The following NXPH2 variants were observed in gnomAD, a reference collection of about 807,000 sequenced individuals.
NXPH2 encodes neurexophilin-2.
In NXPH2, 5 loss-of-function variants were observed where a neutral mutation model predicts 19.8. The observed-to-expected ratio is 0.25, with a 90% CI of 0.13 to 0.53. The LOEUF (loss-of-function observed/expected upper bound fraction) is 0.53, where lower values mean the gene tolerates loss of function less well. Among genes scored for constraint, NXPH2 ranks in the 20% least tolerant of loss-of-function variants. The pLI, the probability that NXPH2 is intolerant of heterozygous loss-of-function variation, is 0.96. For synonymous variants in NXPH2, 154 were observed against 127.4 expected, an observed-to-expected ratio of 1.21 and a Z score of -1.41; for missense variants, 289 against 322.8, an observed-to-expected ratio of 0.90 and a Z score of 0.80.
At chr2:138,672,982 T>C (rs1198455553) in intron 1 of NXPH2, among the ~76,000 whole-genome samples, 1 of 152,230 alleles carries the variant, frequency 6.6e-6, no homozygotes. Context: ...TGTTTCCACC[T>C]ATGTCTAGTC....
intron 1 of NXPH2, among the ~76,000 whole-genome samples, chr2:138,728,739 T>C (rs1681399601): frequency 6.6e-6 from 1 of 152,212 alleles, no homozygotes; most frequent in South Asian, 2.1e-4. Context: ...AAGTTTGACA[T>C]TATGTAGACA....
chr2:138,677,434 G>T (rs528697194), intron 1 of NXPH2, among the ~76,000 whole-genome samples: 1 of 152,156 alleles, frequency 6.6e-6, no homozygotes, highest in Non-Finnish European at 1.5e-5. Flanking sequence ...TAGATACAAT[G>T]ATATCATATT....
intron 1 of NXPH2, among the ~76,000 whole-genome samples, chr2:138,749,556 C>T (rs979699326): frequency 7.2e-5 from 11 of 152,064 alleles, no homozygotes; most frequent in Middle Eastern, 6.8e-3. Context: ...ATTTAATACA[C>T]GTTCAAGAAT....
intron 1 of NXPH2, among the ~76,000 whole-genome samples, chr2:138,697,626 G>C (rs534047329): frequency 1.3e-5 from 2 of 151,844 alleles, no homozygotes; most frequent in South Asian, 4.2e-4. Flanking sequence ...GTTGTCTCAG[G>C]ATAATACATT....
At chr2:138,727,830 T>G (rs975708396) in intron 1 of NXPH2, among the ~76,000 whole-genome samples, 1 of 152,206 alleles carries the variant, frequency 6.6e-6, no homozygotes, top group African/African-American at 2.4e-5. Context: ...CCCACTTTAT[T>G]AACTCTTATT....
chr2:138,687,420 G>A (rs1281439837), intron 1 of NXPH2, among the ~76,000 whole-genome samples: 3 of 151,626 alleles, frequency 2.0e-5, no homozygotes, highest in Admixed American at 6.6e-5. Context: ...TTGTAAATTT[G>A]TTTGAGTTCT....
intron 1 of NXPH2, among the ~76,000 whole-genome samples, chr2:138,720,905 T>C (rs923174576): frequency 6.6e-6 from 1 of 152,146 alleles, no homozygotes; most frequent in Non-Finnish European, 1.5e-5. Flanking sequence ...TAGATATTAA[T>C]GATAATCCAA....
chr2:138,679,395 C>A (rs924847950), intron 1 of NXPH2, among the ~76,000 whole-genome samples: 2 of 148,262 alleles, frequency 1.3e-5, no homozygotes, highest in Admixed American at 7.0e-5. Context: ...GTAGGAGAGG[C>A]CTGAATTTTT....
chr2:138,712,009 T>C (rs1218874771), intron 1 of NXPH2, among the ~76,000 whole-genome samples: 1 of 152,176 alleles, frequency 6.6e-6, no homozygotes, highest in African/African-American at 2.4e-5. Context: ...AGTGGTTTCA[T>C]AGCACCTTGG....
At chr2:138,677,763 A>T (rs1307002912) in intron 1 of NXPH2, among the ~76,000 whole-genome samples, 1 of 152,222 alleles carries the variant, frequency 6.6e-6, no homozygotes. Context: ...CTCTGCAAAC[A>T]TTATATCAGA....
At position 138,772,509 on chromosome 2, in the gene NXPH2, C is replaced by A. The variant is rs139670946; in HGVS notation, c.51+7682G>T. 7.4e-3 allele frequency among the ~76,000 whole-genome samples: 1,133 copies of A among 152,264 alleles called. 12 individuals carry two copies. The highest frequency in any genetic ancestry group is 0.025 in the African/African-American group (1,034 of 41,544). On this transcript the variant is annotated intron_variant, in intron 1 of 1. Coordinates refer to ENST00000272641, the MANE Select transcript of NXPH2 (RefSeq NM_007226.3). ...ACGGGGTTTCTCCATGTTGGTCAAG[C>A]TGGTCTCGAACTCCCGACCTCAGGT...
chr2:138,745,957 G>C (rs1202895508), intron 1 of NXPH2, among the ~76,000 whole-genome samples: 34 of 152,208 alleles, frequency 2.2e-4, no homozygotes, highest in Admixed American at 2.2e-3. Context: ...TGGTGGCCTA[G>C]TCCACCAAGA....
chr2:138,731,738 C>G (rs1681455939), intron 1 of NXPH2, among the ~76,000 whole-genome samples: 2 of 151,920 alleles, frequency 1.3e-5, no homozygotes, highest in Admixed American at 1.3e-4. Flanking sequence ...ACCAAGGACC[C>G]AAGATCAGCA....
intron 1 of NXPH2, among the ~76,000 whole-genome samples, chr2:138,701,974 C>T (rs4374315): frequency 0.25 from 38,747 of 152,050 alleles, 6,131 homozygotes; most frequent in Non-Finnish European, 0.36. Flanking sequence ...TCGGTTACTC[C>T]GGTTTAAGGC....
intron 1 of NXPH2, among the ~76,000 whole-genome samples, chr2:138,710,759 A>G (rs932502394): frequency 3.3e-5 from 5 of 151,758 alleles, no homozygotes; most frequent in Non-Finnish European, 5.9e-5. Context: ...GGACCTCATT[A>G]CTCTCCTAAC....
In NXPH2 at chr2:138,726,011, C is replaced by T. The variant is rs541417984; in HGVS notation, c.51+54180G>A. On this transcript the variant is annotated intron_variant, in intron 1 of 1. Coordinates refer to ENST00000272641, the MANE Select transcript of NXPH2 (RefSeq NM_007226.3). The stretch of plus-strand genomic sequence containing the variant: ...TTCTCTTCAGCATTCATAACACCTC[C>T]CAAAGCGTGGCCAACTTAGAAGCTT... Among the ~76,000 whole-genome samples the T allele has an allele frequency of 5.9e-5, 9 of 152,208 alleles. No individual in the cohort carries two copies. The East Asian group carries it at 1.4e-3, about 23-fold the overall frequency.
chr2:138,740,287 TTAAC>T (rs1681622220), intron 1 of NXPH2, among the ~76,000 whole-genome samples: 2 of 152,122 alleles, frequency 1.3e-5, no homozygotes, highest in South Asian at 4.1e-4. Flanking sequence ...AAAAAAAGAG[TTAAC>T]AACATGAAGT....
At chr2:138,683,483 C>T (rs1009569121) in intron 1 of NXPH2, among the ~76,000 whole-genome samples, 22 of 151,978 alleles carry the variant, frequency 1.4e-4, no homozygotes, top group African/African-American at 5.3e-4. Context: ...GATGAGGAGA[C>T]GTATACAGGG....
At chr2:138,713,209 C>T (rs966589174) in intron 1 of NXPH2, among the ~76,000 whole-genome samples, 1 of 152,196 alleles carries the variant, frequency 6.6e-6, no homozygotes, top group Non-Finnish European at 1.5e-5. Context: ...CGACTGGGCT[C>T]CTGCCAGCTG....
Sources: allele counts gnomAD v4.1 joint callset (sites outside exome capture counted in the v4.1 genomes callset), GRCh38; gene constraint gnomAD v4.1.1; transcripts MANE v1.5; gene names NCBI Gene and HGNC (gene_info 2026-07-23, HGNC 2026-07-21).